MED12L: variants seen among roughly 807,000 people sequenced by gnomAD.
MED12L encodes the protein mediator of RNA polymerase II transcription subunit 12-like protein.
MED12L carries 60 observed loss-of-function variants against 281.3 expected under a neutral mutation model. The ratio of observed to expected loss-of-function variants is 0.21; its 90% CI spans 0.17 to 0.26. MED12L has a LOEUF of 0.26. Ranked by LOEUF, MED12L falls within the 10% of genes least tolerant of loss-of-function variation. The pLI is 1.00. For synonymous variants in MED12L, 974 were observed against 987.2 expected, an observed-to-expected ratio of 0.99 and a Z score of 0.25; for missense variants, 2,146 against 2,680.9, an observed-to-expected ratio of 0.80 and a Z score of 4.41.
intron 2 of MED12L, among the ~76,000 whole-genome samples, chr3:151,115,477 T>G (rs2148731152): frequency 6.6e-6 from 1 of 151,018 alleles, no homozygotes; most frequent in Admixed American, 6.6e-5. Flanking sequence ...GCCTGCAGAG[T>G]AGCTGGGATC....
chr3:151,152,310 C>T (rs1718660336), intron 5 of MED12L, among the ~76,000 whole-genome samples: 1 of 151,820 alleles, frequency 6.6e-6, no homozygotes, highest in Non-Finnish European at 1.5e-5. Flanking sequence ...CAGTGTTGCC[C>T]AGGCTGGCCT....
At chr3:151,274,204 T>C (rs1442844977) in intron 16 of MED12L, among the ~76,000 whole-genome samples, 1 of 152,212 alleles carries the variant, frequency 6.6e-6, no homozygotes, top group Non-Finnish European at 1.5e-5. Context: ...ATTAAAATAA[T>C]GTATTTAAGG....
chr3:151,264,557 A>G (rs1739481985), intron 16 of MED12L, among the ~76,000 whole-genome samples: 1 of 152,194 alleles, frequency 6.6e-6, no homozygotes, highest in Admixed American at 6.5e-5. Flanking sequence ...TTTCTCATTT[A>G]TAGTTGATGG....
At chr3:151,199,342 C>T in intron 16 of MED12L, 1 of 1,613,056 alleles carries the variant, frequency 6.2e-7, no homozygotes, top group Non-Finnish European at 8.5e-7. Context: ...ACGTGAATGG[C>T]TCCAGATCTT....
chr3:151,198,237 GCAAGCCTAACAATA>G, intron 16 of MED12L: 1 of 484,476 alleles, frequency 2.1e-6, no homozygotes, highest in Non-Finnish European at 3.6e-6. Flanking sequence ...ATGAGTAGCA[GCAAGCCTAACAATA>G]AAGCTTGACT....
chr3:151,269,369 C>T, intron 16 of MED12L: 1 of 163,576 alleles, frequency 6.1e-6, no homozygotes, highest in Non-Finnish European at 1.3e-5. Context: ...CATTGCACTC[C>T]AGCCTGGGCA....
chr3:151,366,946 G>T (rs1441564484), intron 23 of MED12L, among the ~76,000 whole-genome samples: 1 of 152,082 alleles, frequency 6.6e-6, no homozygotes, highest in African/African-American at 2.4e-5. Flanking sequence ...TTATGGTGGT[G>T]TGCTAATAAA....
chr3:151,295,160 C>G lies in MED12L; in HGVS notation c.2251-54899C>G, dbSNP rs191098627. On this transcript the variant is annotated intron_variant, in intron 16 of 44. Coordinates refer to ENST00000687756, the MANE Select transcript of MED12L (RefSeq NM_001393769.1). Reference sequence around the variant, plus strand: ...GTGAAGGGTGGTGTTCTTTCCTGGCCCGTCGCTCCTGTTGCCTGAATTGTG... The same window carrying G: ...GTGAAGGGTGGTGTTCTTTCCTGGCGCGTCGCTCCTGTTGCCTGAATTGTG... 6.2e-7 allele frequency: 1 copy of G among 1,612,836 alleles called. No homozygotes were observed. The highest frequency in any genetic ancestry group is 2.2e-5 in the East Asian group (1 of 44,884).
intron 8 of MED12L, among the ~76,000 whole-genome samples, chr3:151,161,477 G>A (rs1459999268): frequency 6.6e-6 from 1 of 152,152 alleles, no homozygotes; most frequent in Non-Finnish European, 1.5e-5. Flanking sequence ...CGGGCAGAGG[G>A]GAAGTCCATG....
chr3:151,426,291 C>T (rs1718865349), intron 43 of MED12L, among the ~76,000 whole-genome samples: 1 of 152,160 alleles, frequency 6.6e-6, no homozygotes, highest in Non-Finnish European at 1.5e-5. Flanking sequence ...CTTTAAATTT[C>T]CCCCAGTGAT....
chr3:151,294,222 G>T (rs1003186575), intron 16 of MED12L: 2 of 1,613,174 alleles, frequency 1.2e-6, no homozygotes. Context: ...CTCACACTTT[G>T]CAGTGATCTG....
intron 36 of MED12L, among the ~76,000 whole-genome samples, chr3:151,386,000 A>C (rs1713284469): frequency 6.6e-6 from 1 of 152,156 alleles, no homozygotes; most frequent in African/African-American, 2.4e-5. Flanking sequence ...TTTGTGTGAC[A>C]TGGTACAGAG....
At chr3:151,131,429 T>C (rs919405538) in intron 5 of MED12L, among the ~76,000 whole-genome samples, 6 of 152,156 alleles carry the variant, frequency 3.9e-5, no homozygotes, top group Admixed American at 1.3e-4. Context: ...AGTGAGACTT[T>C]GTCTCTCCAA....
At chr3:151,297,126 T>C (rs145401538) in intron 16 of MED12L, among the ~76,000 whole-genome samples, 2 of 152,326 alleles carry the variant, frequency 1.3e-5, no homozygotes, top group African/African-American at 4.8e-5. Context: ...TAGCCTGTTA[T>C]GAGACCCATA....
At chr3:151,232,347 G>C (rs920932199) in intron 16 of MED12L, among the ~76,000 whole-genome samples, 3 of 152,122 alleles carry the variant, frequency 2.0e-5, no homozygotes, top group African/African-American at 4.8e-5. Context: ...AACCTTGCCA[G>C]CATCTGTTAT....
intron 16 of MED12L, among the ~76,000 whole-genome samples, chr3:151,280,807 A>G (rs1742681964): frequency 6.6e-6 from 1 of 151,738 alleles, no homozygotes; most frequent in Non-Finnish European, 1.5e-5. Context: ...TGTGCCTACT[A>G]GATCTTTTCA....
chr3:151,263,976 A>G (rs1243210504), intron 16 of MED12L, among the ~76,000 whole-genome samples: 1 of 152,218 alleles, frequency 6.6e-6, no homozygotes, highest in Non-Finnish European at 1.5e-5. Flanking sequence ...GAGATCTCTT[A>G]CCACCACTCC....
intron 16 of MED12L, chr3:151,294,622 G>A: frequency 6.2e-7 from 1 of 1,614,144 alleles, no homozygotes; most frequent in South Asian, 1.1e-5. Flanking sequence ...TGTTCACATA[G>A]GTGACTGCCG....
At position 151,193,541 on chromosome 3, in the gene MED12L, G is replaced by A. The variant is rs1724255860; in HGVS notation, c.2125G>A (p.Gly709Ser). 6.2e-7 allele frequency: 1 copy of A among 1,613,810 alleles called. No homozygotes were observed. Among genetic ancestry groups the A allele is most frequent in the Non-Finnish European group, 8.5e-7 (1 of 1,179,852 alleles). The change falls in exon 16 of 45, where the codon GGC becomes AGC. Residue 709 changes from glycine to serine, a missense_variant. Physicochemically the swap from Gly to Ser is moderately conservative, Grantham distance 56. Around this residue, in one of 9 missense-constraint regions of MED12L, gnomAD observed 722 missense variants for 861.2 expected, o/e 0.84. Transcript: ENST00000687756. ...CTGTGAGAATGCCAACACTTCGTTG[G>A]GCAGAAGAATGTCAGTTAATTGTGA... ...ESCENANTSLGRRMSVNCEKL... is the reference protein window; with the variant it reads ...ESCENANTSLSRRMSVNCEKL...
Sources: gnomAD v4.1 joint callset for allele counts (sites outside exome capture counted in the v4.1 genomes callset) on GRCh38, gnomAD v4.1.1 for gene constraint, gnomAD v4.1.1 regional missense constraint, MANE v1.5 for transcripts, NCBI Gene and HGNC (gene_info 2026-07-23, HGNC 2026-07-21) for gene names.